The following DROSHA variants were observed in gnomAD, a reference collection of about 807,000 sequenced individuals.
The protein encoded by DROSHA is ribonuclease 3.
Under a neutral mutation model 181.9 loss-of-function variants are expected in DROSHA, and 56 were observed. The observed-to-expected ratio is 0.31, with a 90% CI of 0.25 to 0.38. The LOEUF (loss-of-function observed/expected upper bound fraction) is 0.38. Among genes scored for constraint, DROSHA ranks in the 10% least tolerant of loss-of-function variants. DROSHA has a pLI of 1.00. For synonymous variants in DROSHA, 524 were observed against 591.2 expected (o/e 0.89, Z 1.65); for missense variants, 1,218 against 1,743.5 (o/e 0.70, Z 5.37).
At position 31,483,879 on chromosome 5, in the gene DROSHA, T is replaced by C. The variant is rs76960883; in HGVS notation, c.1997-251A>G. ...GCAAGAAGAGGATGAAAGCCCCAAG[T>C]AGCAAATACATACAGTAAAATTATT... On this transcript the variant is annotated intron_variant, in intron 15 of 35. Coordinates refer to ENST00000344624, the MANE Select transcript of DROSHA (RefSeq NM_001382508.1). Among the ~76,000 whole-genome samples the C allele has an allele frequency of 0.022, 3,283 of 152,164 alleles. 190 individuals carry two copies. In the East Asian group the frequency reaches 0.22, roughly 10 times the overall value.
At chr5:31,450,176 TG>T (rs773423980) in intron 21 of DROSHA, among the ~76,000 whole-genome samples, 6 of 152,068 alleles carry the variant, frequency 3.9e-5, no homozygotes, top group Non-Finnish European at 8.8e-5. Flanking sequence ...AAACAGCAGG[TG>T]TTGGTGTGAT....
intron 34 of DROSHA, 31 bp downstream of exon 34, chr5:31,406,822 C>CA: frequency 6.3e-7 from 1 of 1,598,916 alleles, no homozygotes; most frequent in Non-Finnish European, 8.6e-7. Flanking sequence ...GATGTTCATT[C>CA]AAAGCAATTC....
chr5:31,480,203 T>TATATATATATATAC (rs1345858192), intron 16 of DROSHA, among the ~76,000 whole-genome samples: 1 of 140,192 alleles, frequency 7.1e-6, no homozygotes, highest in Non-Finnish European at 1.6e-5. Context: ...TATATATATA[T>TATATATATATATAC]ACTGAAAATA....
chr5:31,418,590 T>C (rs1425673147), intron 30 of DROSHA, among the ~76,000 whole-genome samples: 2 of 152,162 alleles, frequency 1.3e-5, no homozygotes, highest in Admixed American at 6.5e-5. Context: ...TCAATAGTTA[T>C]GCAGAAATTA....
rs948495907 is a variant in DROSHA, at chr5:31,514,896, C to T, written c.1290+92G>A. 15 of 1,200,074 alleles carry T rather than the reference C, an allele frequency of 1.2e-5. No homozygotes were observed. The African/African-American group carries it at 2.1e-4, about 17-fold the overall frequency. 74.3% of individuals were successfully genotyped at this position (1,200,074 alleles called of 1,614,324 possible). On this transcript the variant is annotated intron_variant, in intron 8 of 35. Transcript: ENST00000344624. This position sits in a 1 kb window ranked among gnomAD's most constrained non-coding sequence, Gnocchi z 4.4. ...AACATCCTACAATGCATAGGGCAGT[C>T]CCCACAATCAAGAATTTATCCAGCC...
intron 5 of DROSHA, among the ~76,000 whole-genome samples, chr5:31,523,058 G>A (rs1238371822): frequency 6.6e-6 from 1 of 152,166 alleles, no homozygotes; most frequent in Non-Finnish European, 1.5e-5. Context: ...ACAGACTATA[G>A]AATTTGCATA....
At chr5:31,468,107 T>C in intron 17 of DROSHA, 44 bp from the exon 18 acceptor site, 3 of 1,579,604 alleles carry the variant, frequency 1.9e-6, no homozygotes, top group East Asian at 2.3e-5. Context: ...AAGAAGTCTT[T>C]ATGTATTGAC....
intron 9 of DROSHA, 141 bp downstream of exon 9, chr5:31,510,894 T>C (rs1417466113): frequency 1.9e-6 from 2 of 1,036,278 alleles, no homozygotes; most frequent in African/African-American, 3.2e-5. Flanking sequence ...TCTACTGCTA[T>C]GTATCTTACT....
At chr5:31,513,395 A>G (rs191218300) in intron 8 of DROSHA, among the ~76,000 whole-genome samples, 1 of 152,204 alleles carries the variant, frequency 6.6e-6, no homozygotes, top group South Asian at 2.1e-4. Flanking sequence ...CCACTTAGTC[A>G]GGTGTTATTA....
chr5:31,493,142 T>C (rs1459193486), intron 13 of DROSHA, 65 bp downstream of exon 13: 5 of 1,486,488 alleles, frequency 3.4e-6, no homozygotes, highest in Non-Finnish European at 4.6e-6. Flanking sequence ...ATGTTTTGAC[T>C]TTTGGAAAGA....
At chr5:31,511,540 T>A (rs1341251743) in intron 8 of DROSHA, among the ~76,000 whole-genome samples, 1 of 151,884 alleles carries the variant, frequency 6.6e-6, no homozygotes, top group Non-Finnish European at 1.5e-5. Context: ...ACCCCACCTC[T>A]ATGAAAAAGA....
rs1407360896 is a variant in DROSHA at position 31,515,497 on chromosome 5, T to C, written c.1015A>G (p.Lys339Glu). ...GGTGGGGCCCAAGAATCTGTATTTT[T>C]AATAATCTCCCCAGGTAATTCTGGT... ...CTPELPGEIIKNTDSWAPPLE... is the reference protein window; with the variant it reads ...CTPELPGEIIENTDSWAPPLE... The change falls in exon 7 of 36, where the codon AAA (lysine) becomes GAA (glutamate). Residue 339 changes from lysine (K) to glutamate (E), a missense_variant. Around this residue, in one of 8 missense-constraint regions of DROSHA, gnomAD observed 536 missense variants for 535.4 expected, o/e 1.00. Transcript: ENST00000344624. The C allele has an allele frequency of 8.7e-6, 13 of 1,499,344 alleles. No individual in the cohort carries two copies. Among genetic ancestry groups the C allele is most frequent in the Non-Finnish European group, 1.8e-6 (2 of 1,098,862 alleles). 92.9% of individuals were successfully genotyped at this position (1,499,344 alleles called of 1,614,324 possible).
intron 27 of DROSHA, among the ~76,000 whole-genome samples, chr5:31,425,477 C>A (rs766339840): frequency 1.3e-5 from 2 of 152,034 alleles, no homozygotes; most frequent in Non-Finnish European, 2.9e-5. Flanking sequence ...CTTCTTACAA[C>A]TTTCTCTCAA....
At position 31,418,149 on chromosome 5, in the gene DROSHA, T is replaced by C. The variant is rs182293002; in HGVS notation, c.3525+3123A>G. ...ACACAACCTTCAGATTCCTATCCTT[T>C]GCAATTTAATAAACATCACTTCTTT... On this transcript the variant is annotated intron_variant, in intron 30 of 35. Coordinates refer to ENST00000344624, the MANE Select transcript of DROSHA (RefSeq NM_001382508.1). Among the ~76,000 whole-genome samples the C allele has an allele frequency of 4.5e-3, 678 of 152,246 alleles. 5 individuals carry two copies. Among genetic ancestry groups the C allele is most frequent in the African/African-American group, 0.015 (631 of 41,528 alleles).
chr5:31,424,798 A>G (rs1000837658), intron 27 of DROSHA, among the ~76,000 whole-genome samples: 1 of 152,150 alleles, frequency 6.6e-6, no homozygotes, highest in Non-Finnish European at 1.5e-5. Flanking sequence ...TTTTTTTCTT[A>G]CCATTGTCCA....
chr5:31,412,084 T>C (rs1018631478), intron 30 of DROSHA, among the ~76,000 whole-genome samples: 2 of 152,256 alleles, frequency 1.3e-5, no homozygotes, highest in African/African-American at 4.8e-5. Flanking sequence ...ATGAAAATTA[T>C]GCAACGAATC....
chr5:31,511,004 G>C (rs371603848), intron 9 of DROSHA, 31 bp downstream of exon 9: 11 of 1,611,408 alleles, frequency 6.8e-6, no homozygotes, highest in Admixed American at 1.7e-5. Context: ...TAATCGCAAG[G>C]GTCTCAGGCT....
intron 11 of DROSHA, among the ~76,000 whole-genome samples, chr5:31,497,307 T>C (rs954305337): frequency 6.6e-6 from 1 of 152,162 alleles, no homozygotes; most frequent in Non-Finnish European, 1.5e-5. Context: ...TTTCTGCAGA[T>C]AAACCTGACC....
chr5:31,421,640 T>C (rs1191577808), intron 29 of DROSHA: 3 of 376,540 alleles, frequency 8.0e-6, no homozygotes, highest in Non-Finnish European at 1.4e-5. Flanking sequence ...CACTGCCTGG[T>C]CAGAAGCTGA....
Sources: gnomAD v4.1 joint callset for allele counts (sites outside exome capture counted in the v4.1 genomes callset) on GRCh38, gnomAD v4.1.1 for gene constraint, gnomAD v4.1.1 regional missense constraint, Gnocchi (gnomAD v3.1) non-coding constraint, MANE v1.5 for transcripts, NCBI Gene and HGNC (gene_info 2026-07-23, HGNC 2026-07-21) for gene names.